MAB21L4: variants seen among roughly 807,000 people sequenced by gnomAD.
The protein encoded by MAB21L4 is mab-21 like 4, also known as protein mab-21-like 4.
A neutral mutation model predicts 32.4 loss-of-function variants in MAB21L4; 25 were observed. The observed-to-expected ratio is 0.77, with a 90% CI of 0.56 to 1.08. MAB21L4 has a LOEUF of 1.08. MAB21L4 is among the 50% of genes least tolerant of loss of function. The pLI is 0.00. For synonymous variants in MAB21L4, 280 were observed against 276.8 expected, an observed-to-expected ratio of 1.01 and a Z score of -0.11; for missense variants, 638 against 611.0, an observed-to-expected ratio of 1.04 and a Z score of -0.47.
intron 1 of MAB21L4, among the ~76,000 whole-genome samples, chr2:240,894,304 G>A (rs931148267): frequency 3.9e-5 from 6 of 152,160 alleles, no homozygotes; most frequent in Non-Finnish European, 5.9e-5. Context: ...GAGGACTGTG[G>A]TGACTCACAT....
chr2:240,895,043 T>C (rs2059176824), intron 1 of MAB21L4, among the ~76,000 whole-genome samples: 1 of 152,178 alleles, frequency 6.6e-6, no homozygotes. Context: ...GGGCACGGGA[T>C]GGCCTCGGGG....
At chr2:240,889,824 GAC>G (rs2059128219) in intron 3 of MAB21L4, among the ~76,000 whole-genome samples, 179 bp downstream of exon 3, 1 of 152,236 alleles carries the variant, frequency 6.6e-6, no homozygotes, top group Non-Finnish European at 1.5e-5. Flanking sequence ...ACATTCCCTT[GAC>G]CCTCAGGAGC....
intron 1 of MAB21L4, among the ~76,000 whole-genome samples, chr2:240,895,264 T>C (rs932140282): frequency 1.3e-5 from 2 of 152,094 alleles, no homozygotes; most frequent in Non-Finnish European, 2.9e-5. Context: ...CTAAGTGAGG[T>C]CTCCCGACTT....
At position 240,886,219 on chromosome 2, in the gene MAB21L4, C is replaced by T. The variant is rs1272334220; in HGVS notation, c.*851G>A. 1 of 152,128 alleles carries T rather than the reference C, an allele frequency of 6.6e-6. No homozygotes were observed. Among genetic ancestry groups the T allele is most frequent in the Non-Finnish European group, 1.5e-5 (1 of 68,110 alleles). The allele number at this position is 152,128 out of a possible 1,614,324, so 9.4% of individuals were successfully genotyped here. On this transcript the variant is annotated 3_prime_UTR_variant, in exon 5 of 5. Transcript: ENST00000388934. ...AAAGGAGAGGGGGAGGGGCCACACA[C>T]TCAAAAAACCAGATCTCATGAGAAC...
At chr2:240,891,354 G>A (rs1419116199) in intron 2 of MAB21L4, among the ~76,000 whole-genome samples, 184 bp downstream of exon 2, 1 of 152,174 alleles carries the variant, frequency 6.6e-6, no homozygotes, top group Admixed American at 6.5e-5. Context: ...CTAGGGAGAG[G>A]ACACATTTCC....
chr2:240,888,285 C>T lies in MAB21L4; in HGVS notation c.1251+7G>A. 6.5e-7 allele frequency: 1 copy of T among 1,541,490 alleles called. No individual in the cohort carries two copies. Among genetic ancestry groups the T allele is most frequent in the Non-Finnish European group, 8.7e-7 (1 of 1,149,058 alleles). ...GCCTGCCCAAGGCCCCCGCAGCCAG[C>T]ACCCACCTTGTCCAGCAGGACGTCG... On this transcript the variant is annotated splice_region_variant and intron_variant, in intron 4 of 4. Transcript: ENST00000388934.
intron 3 of MAB21L4, among the ~76,000 whole-genome samples, chr2:240,889,032 C>T (rs2059122527): frequency 6.6e-6 from 1 of 152,136 alleles, no homozygotes; most frequent in Non-Finnish European, 1.5e-5. Context: ...ACCCAACGGG[C>T]CCATGGCATT....
chr2:240,895,038 C>T (rs1324356385), intron 1 of MAB21L4, among the ~76,000 whole-genome samples: 7 of 152,224 alleles, frequency 4.6e-5, no homozygotes, highest in Non-Finnish European at 8.8e-5. Flanking sequence ...GAAGTGGGCA[C>T]GGGATGGCCT....
At chr2:240,891,035 C>T (rs1261261438) in intron 2 of MAB21L4, among the ~76,000 whole-genome samples, 1 of 152,188 alleles carries the variant, frequency 6.6e-6, no homozygotes, top group Non-Finnish European at 1.5e-5. Flanking sequence ...CCCTGAGGGG[C>T]TGTTGCAGTG....
chr2:240,887,536 G>C (rs572499062), intron 4 of MAB21L4, among the ~76,000 whole-genome samples: 2 of 152,266 alleles, frequency 1.3e-5, no homozygotes, highest in Non-Finnish European at 2.9e-5. Context: ...AAATTCTTAA[G>C]TGTTGGGCAT....
At position 240,889,988 on chromosome 2, in the gene MAB21L4, A is replaced by C. The variant is rs1238597139; in HGVS notation, c.894+17T>G. 2.5e-6 allele frequency: 4 copies of C among 1,594,138 alleles called. No individual in the cohort carries two copies. The African/African-American group carries it at 4.0e-5, about 16-fold the overall frequency. Reference sequence around the variant, plus strand: ...GGCCCTGGTGACAGACAACCCGCCGAGTCCCGCCCTGGGTACCTTCAGGTG... The same window carrying C: ...GGCCCTGGTGACAGACAACCCGCCGCGTCCCGCCCTGGGTACCTTCAGGTG... On this transcript the variant is annotated intron_variant, in intron 3 of 4. Transcript: ENST00000388934.
Position 240,895,926 on chromosome 2 carries a change from G to A in MAB21L4, c.72C>T (p.Ala24=), listed in dbSNP as rs1475814902. 3 of 1,506,462 alleles carry A rather than the reference G, an allele frequency of 2.0e-6. No homozygotes were observed. Among genetic ancestry groups the A allele is most frequent in the Middle Eastern group, 2.2e-4 (1 of 4,622 alleles). The allele number at this position is 1,506,462 out of a possible 1,614,324, so 93.3% of individuals were successfully genotyped here. A position where few individuals can be genotyped will look rare whatever the true frequency, so the allele number is the denominator to read the frequency against. The change falls in exon 1 of 5, where the codon GCC becomes GCT. Residue 24 remains alanine (A), a synonymous_variant. Transcript: ENST00000388934. ...CACGCGGCGCCTCCCGGGACCGGAT[G>A]GCCTGCAGGTAGTGGTGCCACAGGG... is the stretch of plus-strand genomic sequence containing the variant. ...QVPLWHHYLQ[A]IRSREAPRAQ...
At chr2:240,892,452 C>A (rs2059158548) in intron 1 of MAB21L4, among the ~76,000 whole-genome samples, 1 of 151,900 alleles carries the variant, frequency 6.6e-6, no homozygotes, top group African/African-American at 2.4e-5. Context: ...AGCTAGGGGA[C>A]CAGTCTACAT....
chr2:240,891,470 G>A lies in MAB21L4; in HGVS notation c.740+68C>T, dbSNP rs897600958. ...CAGATCCTCCTGGCTGGGGCCAGGG[G>A]AGCATGGGGGCAGTGGCCCCTTCCT... is the stretch of plus-strand genomic sequence containing the variant. On this transcript the variant is annotated intron_variant, in intron 2 of 4. Coordinates refer to ENST00000388934, the MANE Select transcript of MAB21L4 (RefSeq NM_001085437.3). 6 of 1,416,164 alleles carry A rather than the reference G, an allele frequency of 4.2e-6. No homozygotes were observed. The African/African-American group carries it at 5.7e-5, about 13-fold the overall frequency. 87.7% of individuals were successfully genotyped at this position (1,416,164 alleles called of 1,614,324 possible).
intron 1 of MAB21L4, among the ~76,000 whole-genome samples, chr2:240,893,996 G>A (rs1303829128): frequency 1.3e-5 from 2 of 152,044 alleles, no homozygotes; most frequent in African/African-American, 4.8e-5. Context: ...CACCCCAGAG[G>A]TCAGGTCAGT....
At chr2:240,890,188 C>A in intron 2 of MAB21L4, 30 bp from the exon 3 acceptor site, 1 of 1,570,668 alleles carries the variant, frequency 6.4e-7, no homozygotes, top group Non-Finnish European at 8.7e-7. Context: ...ACTGGGTCAG[C>A]CCCCGCCGCT....
chr2:240,895,769 C>T lies in MAB21L4; in HGVS notation c.229G>A (p.Asp77Asn), dbSNP rs1559580569. The T allele has an allele frequency of 6.2e-7, 1 of 1,612,010 alleles. No individual in the cohort carries two copies. Among genetic ancestry groups the T allele is most frequent in the East Asian group, 2.2e-5 (1 of 44,844 alleles). Residue 77 changes from aspartate (D) to asparagine (N), a missense_variant, in exon 1 of 5, where the codon GAC becomes AAC. Asp to Asn is a conservative substitution (Grantham distance 23). Coordinates refer to ENST00000388934, the MANE Select transcript of MAB21L4 (RefSeq NM_001085437.3). ...AGGGGCACCTCCATGTCCATTGGGT[C>T]CTCAGAGGAGCGCAGGGCGAACTGG... ...AFQFALRSSE[D>N]PMDMEVPLWV...
At chr2:240,889,904 A>C in intron 3 of MAB21L4, 101 bp downstream of exon 3, 8 of 1,338,810 alleles carry the variant, frequency 6.0e-6, no homozygotes, top group Non-Finnish European at 8.1e-6. Flanking sequence ...TGGGACTCAT[A>C]GCAGCTGCCT....
chr2:240,896,017 G>A lies in MAB21L4; in HGVS notation c.-20C>T, dbSNP rs1178351666. 2 of 1,428,650 alleles carry A rather than the reference G, an allele frequency of 1.4e-6. No individual in the cohort carries two copies. Among genetic ancestry groups the A allele is most frequent in the South Asian group, 3.0e-5 (2 of 66,514 alleles). The allele number at this position is 1,428,650 out of a possible 1,614,324, so 88.5% of individuals were successfully genotyped here. ...AGGCATCCCTTCAACAGTGGCAGGT[G>A]AGGGCCAGTGGCCCCTGAGGAGGAC... is the stretch of plus-strand genomic sequence containing the variant. On this transcript the variant is annotated 5_prime_UTR_variant, in exon 1 of 5. Coordinates refer to ENST00000388934, the MANE Select transcript of MAB21L4 (RefSeq NM_001085437.3).
Sources: gnomAD v4.1 joint callset for allele counts (sites outside exome capture counted in the v4.1 genomes callset) on GRCh38, gnomAD v4.1.1 for gene constraint, MANE v1.5 for transcripts, NCBI Gene and HGNC (gene_info 2026-07-23, HGNC 2026-07-21) for gene names.